Variants in KCNH5 observed in about 807,000 individuals in gnomAD.
The protein encoded by KCNH5 is potassium voltage-gated channel subfamily H member 5, also known as voltage-gated delayed rectifier potassium channel KCNH5.
Under a neutral mutation model 96.1 loss-of-function variants are expected in KCNH5, and 46 were observed. That is an observed-to-expected ratio of 0.48 (90% CI 0.38 to 0.61). KCNH5 has a LOEUF of 0.61. KCNH5 is among the 20% of genes least tolerant of loss of function. The probability of loss-of-function intolerance (pLI) is 0.00; values close to 1 mark genes in which losing one functional copy is unlikely to be tolerated. For synonymous variants in KCNH5, 439 were observed against 449.8 expected (o/e 0.98, Z 0.30); for missense variants, 907 against 1,225.8 (o/e 0.74, Z 3.88).
intron 10 of KCNH5, 59 bp downstream of exon 10, chr14:62,779,660 CAGCTAATAG>C: frequency 7.7e-7 from 1 of 1,302,464 alleles, no homozygotes; most frequent in East Asian, 2.4e-5. Context: ...CTCTACTCTT[CAGCTAATAG>C]AGCTGAATTA....
At chr14:62,725,617 A>T (rs928621963) in intron 10 of KCNH5, among the ~76,000 whole-genome samples, 8 of 152,342 alleles carry the variant, frequency 5.3e-5, no homozygotes, top group Middle Eastern at 3.4e-3. Flanking sequence ...CAATTTTGAG[A>T]GTCAGCTGAA....
intron 1 of KCNH5, among the ~76,000 whole-genome samples, chr14:63,018,732 AT>A (rs1045808898): frequency 6.6e-6 from 1 of 152,068 alleles, no homozygotes; most frequent in African/African-American, 2.4e-5. Flanking sequence ...TAACTGCCTG[AT>A]TTTTAAAAAA....
At chr14:63,018,490 C>G (rs886540058) in intron 1 of KCNH5, among the ~76,000 whole-genome samples, 1 of 151,874 alleles carries the variant, frequency 6.6e-6, no homozygotes, top group Admixed American at 6.6e-5. Context: ...CACCAGCTCC[C>G]CGAAGGTAGA....
intron 2 of KCNH5, among the ~76,000 whole-genome samples, chr14:63,013,555 T>C (rs1891268749): frequency 6.6e-6 from 1 of 152,118 alleles, no homozygotes; most frequent in Non-Finnish European, 1.5e-5. Context: ...CAACCCCGTG[T>C]TTCTAAATGT....
intron 8 of KCNH5, among the ~76,000 whole-genome samples, chr14:62,821,760 T>C (rs955891361): frequency 2.6e-5 from 4 of 152,036 alleles, no homozygotes; most frequent in Admixed American, 2.0e-4. Context: ...TGTCACAGAG[T>C]ATACAGATTT....
intron 8 of KCNH5, among the ~76,000 whole-genome samples, chr14:62,813,442 A>G (rs1886911198): frequency 6.6e-6 from 1 of 152,164 alleles, no homozygotes. Flanking sequence ...AAGTGCCTGA[A>G]GGTAGTAAAC....
At chr14:62,993,804 A>T (rs1046825049) in intron 4 of KCNH5, among the ~76,000 whole-genome samples, 6 of 152,034 alleles carry the variant, frequency 3.9e-5, no homozygotes, top group Non-Finnish European at 7.4e-5. Flanking sequence ...CTTTACAGAG[A>T]TCTAACTGGT....
chr14:62,778,282 G>T (rs951397130), intron 10 of KCNH5, among the ~76,000 whole-genome samples: 8 of 152,088 alleles, frequency 5.3e-5, no homozygotes, highest in Non-Finnish European at 1.0e-4. Context: ...AGGAAAAGTG[G>T]GCTCTTGGTA....
chr14:62,769,830 T>C (rs1266355363), intron 10 of KCNH5, among the ~76,000 whole-genome samples: 1 of 152,192 alleles, frequency 6.6e-6, no homozygotes, highest in East Asian at 1.9e-4. Flanking sequence ...GACAATAAAG[T>C]ATTACAGAAA....
At chr14:62,802,619 A>T (rs1037743694) in intron 8 of KCNH5, 38 bp from the exon 9 acceptor site, 1 of 1,604,942 alleles carries the variant, frequency 6.2e-7, no homozygotes, top group African/African-American at 1.3e-5. Context: ...AAAAGGAAAG[A>T]GGAAGGGGCC....
At chr14:63,019,466 A>G (rs1360449709) in intron 1 of KCNH5, among the ~76,000 whole-genome samples, 1 of 152,126 alleles carries the variant, frequency 6.6e-6, no homozygotes, top group South Asian at 2.1e-4. Context: ...AGTAATTAAG[A>G]TGGTGTGGAA....
In KCNH5 at chr14:62,917,830, C is replaced by A. The variant is rs112478019; in HGVS notation, c.1369+32303G>T. ...TTTCTTTTAACATCTAATTGATTTT[C>A]CACTGAAATTTCTTTCAAAAGACTG... On this transcript the variant is annotated intron_variant, in intron 7 of 10. Transcript: ENST00000322893. Among the ~76,000 whole-genome samples, 785 of 152,224 alleles carry A rather than the reference C, an allele frequency of 5.2e-3. 3 individuals carry two copies. Among genetic ancestry groups the A allele is most frequent in the African/African-American group, 0.018 (754 of 41,534 alleles).
chr14:62,704,170 G>A lies in KCNH5; in HGVS notation c.*3338C>T, dbSNP rs775894917. On this transcript the variant is annotated 3_prime_UTR_variant, in exon 11 of 11. Transcript: ENST00000322893. ...AACAGAAGTACACATTTTTTCTAGAGCAATTTCAAACCCCAGATTTTCCAT... is the reference window on the plus strand; with the variant it reads ...AACAGAAGTACACATTTTTTCTAGAACAATTTCAAACCCCAGATTTTCCAT... 6.6e-6 allele frequency: 1 copy of A among 151,738 alleles called. No homozygotes were observed. Among genetic ancestry groups the A allele is most frequent in the Non-Finnish European group, 1.5e-5 (1 of 67,770 alleles). 9.4% of individuals were successfully genotyped at this position (151,738 alleles called of 1,614,324 possible). A position where few individuals can be genotyped will look rare whatever the true frequency, so the allele number is the denominator to read the frequency against.
chr14:62,864,754 T>C (rs1199549510), intron 7 of KCNH5, among the ~76,000 whole-genome samples: 1 of 152,252 alleles, frequency 6.6e-6, no homozygotes, highest in African/African-American at 2.4e-5. Flanking sequence ...TATTAGCATA[T>C]CAAAAGCTCT....
chr14:62,759,823 C>T (rs1010347450), intron 10 of KCNH5, among the ~76,000 whole-genome samples: 1 of 152,154 alleles, frequency 6.6e-6, no homozygotes, highest in African/African-American at 2.4e-5. Context: ...AAATCCAAAT[C>T]TACTTTCATA....
intron 9 of KCNH5, among the ~76,000 whole-genome samples, chr14:62,785,400 A>C (rs959880773): frequency 6.6e-6 from 1 of 152,198 alleles, no homozygotes; most frequent in African/African-American, 2.4e-5. Flanking sequence ...TTACTGTACA[A>C]AAGATTTTGC....
intron 4 of KCNH5, among the ~76,000 whole-genome samples, chr14:62,992,232 A>G (rs76959844): frequency 6.6e-6 from 1 of 152,014 alleles, no homozygotes; most frequent in Admixed American, 6.6e-5. Context: ...TCATCCACTG[A>G]TGGATAATTA....
chr14:62,817,224 A>T (rs940914893), intron 8 of KCNH5, among the ~76,000 whole-genome samples: 21 of 138,416 alleles, frequency 1.5e-4, no homozygotes, highest in South Asian at 6.5e-4. Flanking sequence ...TATTATATAT[A>T]ATATAATACA....
intron 7 of KCNH5, among the ~76,000 whole-genome samples, chr14:62,911,342 A>G (rs557520968): frequency 1.3e-5 from 2 of 149,108 alleles, no homozygotes; most frequent in South Asian, 2.1e-4. Context: ...GCAGTGGCGC[A>G]ATCTCGGCTC....
Sources: gnomAD v4.1 joint callset for allele counts (sites outside exome capture counted in the v4.1 genomes callset) on GRCh38, gnomAD v4.1.1 for gene constraint, MANE v1.5 for transcripts, NCBI Gene and HGNC (gene_info 2026-07-23, HGNC 2026-07-21) for gene names.